The following THRAP3 variants were observed in gnomAD, a reference collection of about 807,000 sequenced individuals.
The protein encoded by THRAP3 is thyroid hormone receptor associated protein 3.
Under a neutral mutation model 101.0 loss-of-function variants are expected in THRAP3, and 16 were observed. The ratio of observed to expected loss-of-function variants is 0.16; its 90% CI spans 0.11 to 0.24. The LOEUF (loss-of-function observed/expected upper bound fraction) is 0.24. Ranked by LOEUF, THRAP3 falls within the 10% of genes least tolerant of loss-of-function variation. The pLI is 1.00. For synonymous variants in THRAP3, 407 were observed against 422.6 expected (o/e 0.96, Z 0.45); for missense variants, 989 against 1,202.7 (o/e 0.82, Z 2.63).
chr1:36,251,800 A>G (rs1254944774), intron 1 of THRAP3, among the ~76,000 whole-genome samples: 1 of 152,232 alleles, frequency 6.6e-6, no homozygotes, highest in East Asian at 1.9e-4. Context: ...ATATTAATTT[A>G]TTCGGTGTTC....
chr1:36,224,185 T>C (rs575522817), upstream of THRAP3, among the ~76,000 whole-genome samples: 2 of 152,220 alleles, frequency 1.3e-5, no homozygotes, highest in South Asian at 2.1e-4. Flanking sequence ...GCCCCTTCCG[T>C]CCACCGCCCT....
the THRAP3 span, among the ~76,000 whole-genome samples, chr1:36,208,336 G>A: frequency 6.6e-6 from 1 of 152,202 alleles, no homozygotes; most frequent in South Asian, 2.1e-4. Context: ...GAGAGGATAA[G>A]TCACTTGCCT....
chr1:36,209,962 G>C, the THRAP3 span, among the ~76,000 whole-genome samples: 2 of 152,230 alleles, frequency 1.3e-5, no homozygotes, highest in Non-Finnish European at 1.5e-5. Flanking sequence ...GGTGGAGGTA[G>C]AGAGGGAAGT....
rs143562411 is a variant in THRAP3, at chr1:36,289,444, A to G, written c.1425A>G (p.Val475=). 16 of 1,614,126 alleles carry G rather than the reference A, an allele frequency of 9.9e-6. No homozygotes were observed. Among genetic ancestry groups the G allele is most frequent in the East Asian group, 2.2e-5 (1 of 44,892 alleles). The change falls in exon 5 of 12, where the codon GTA becomes GTG. Residue 475 remains valine, a synonymous_variant. Transcript: ENST00000354618. ...AGTCAGGCAAATGGGAGGGCCTGGT[A>G]TATGCACCTCCAGGGAAGGAAAAGC... ...EEKSGKWEGL[V]YAPPGKEKQR... is the part of the protein sequence containing the mutation.
chr1:36,301,863 G>C (rs1381937096), intron 11 of THRAP3, among the ~76,000 whole-genome samples, 167 bp downstream of exon 11: 1 of 152,222 alleles, frequency 6.6e-6, no homozygotes, highest in East Asian at 1.9e-4. Flanking sequence ...GTGTCCTCTA[G>C]AGAGGCAGTC....
intron 2 of THRAP3, among the ~76,000 whole-genome samples, chr1:36,262,110 GAT>G (rs1491188942): frequency 6.6e-6 from 1 of 152,036 alleles, no homozygotes; most frequent in Non-Finnish European, 1.5e-5. Context: ...AAATTTGAAC[GAT>G]ATGTTTTATA....
rs763160480 is a variant in THRAP3 at position 36,304,248 on chromosome 1, G to A, written c.*231G>A. The A allele has an allele frequency of 2.2e-6, 1 of 445,108 alleles. No homozygotes were observed. Among genetic ancestry groups the A allele is most frequent in the Non-Finnish European group, 3.8e-6 (1 of 263,170 alleles). 27.6% of individuals were successfully genotyped at this position (445,108 alleles called of 1,614,324 possible). A position where few individuals can be genotyped will look rare whatever the true frequency, so the allele number is the denominator to read the frequency against. On this transcript the variant is annotated 3_prime_UTR_variant, in exon 12 of 12. Coordinates refer to ENST00000354618, the MANE Select transcript of THRAP3 (RefSeq NM_005119.4). ...GCCCAGCTTTTGAGCAGAATACAACGCATTGGGCTTTAGCTGTTTTTCTCA... is the reference window on the plus strand; with the variant it reads ...GCCCAGCTTTTGAGCAGAATACAACACATTGGGCTTTAGCTGTTTTTCTCA...
rs143880396 is a variant in THRAP3 at position 36,289,168 on chromosome 1, G to C, written c.1149G>C (p.Leu383Phe). The stretch of plus-strand genomic sequence containing the variant: ...AAGGGAGCTTCTCTGACACAGGCTT[G>C]GGTGATGGAAAAATGAAATCTGATT... ...KEKGSFSDTG[L>F]GDGKMKSDSF... The change falls in exon 5 of 12, where the codon TTG (leucine) becomes TTC (phenylalanine). Residue 383 changes from leucine (L) to phenylalanine (F), a missense_variant. Transcript: ENST00000354618. 910 of 1,614,020 alleles carry C rather than the reference G, an allele frequency of 5.6e-4. No individual in the cohort carries two copies. The highest frequency in any genetic ancestry group is 2.6e-3 in the South Asian group (235 of 91,066).
chr1:36,239,931 T>G (rs1044358588), intron 1 of THRAP3, among the ~76,000 whole-genome samples: 11 of 152,232 alleles, frequency 7.2e-5, no homozygotes, highest in African/African-American at 2.4e-4. Context: ...ATTTACATTT[T>G]AAGATAAACC....
intron 2 of THRAP3, among the ~76,000 whole-genome samples, chr1:36,265,474 T>G (rs1350045646): frequency 2.0e-5 from 3 of 150,898 alleles, no homozygotes; most frequent in African/African-American, 7.3e-5. Context: ...TTTTTTTTTT[T>G]TTTTTTTGCT....
chr1:36,257,087 G>A (rs6675901), intron 1 of THRAP3, among the ~76,000 whole-genome samples: 134,286 of 152,140 alleles, frequency 0.88, 61,690 homozygotes, highest in Non-Finnish European at 1. Flanking sequence ...GTGAGCCACC[G>A]CGCTTGGCCA....
Position 36,254,183 on chromosome 1 carries a change from T to G in THRAP3, c.-134-5199T>G, listed in dbSNP as rs76836746. Reference sequence around the variant, plus strand: ...AGACCACGTCTCAAGAAAAAAAGTCTGCAGAGAAACTGCTGATAAATAACC... The same window carrying G: ...AGACCACGTCTCAAGAAAAAAAGTCGGCAGAGAAACTGCTGATAAATAACC... On this transcript the variant is annotated intron_variant, in intron 1 of 11. Coordinates refer to ENST00000354618, the MANE Select transcript of THRAP3 (RefSeq NM_005119.4). Among the ~76,000 whole-genome samples the G allele has an allele frequency of 3.2e-4, 48 of 152,306 alleles. 2 individuals are homozygous for G. In the East Asian group the frequency reaches 9.3e-3, roughly 29 times the overall value.
At chr1:36,302,835 T>A (rs920155153) in intron 11 of THRAP3, among the ~76,000 whole-genome samples, 1 of 152,244 alleles carries the variant, frequency 6.6e-6, no homozygotes, top group Admixed American at 6.5e-5. Flanking sequence ...GTTAATCCTT[T>A]CCTTGAACTA....
chr1:36,278,216 C>T (rs571150885), intron 2 of THRAP3, among the ~76,000 whole-genome samples: 1 of 151,980 alleles, frequency 6.6e-6, no homozygotes, highest in Non-Finnish European at 1.5e-5. Context: ...CAGGTGCCTG[C>T]CACCACATTT....
intron 1 of THRAP3, among the ~76,000 whole-genome samples, chr1:36,228,503 G>A (rs1168209689): frequency 6.6e-6 from 1 of 152,184 alleles, no homozygotes. Context: ...AAAGGTGTGA[G>A]CCAGCGCATC....
At chr1:36,259,327 A>C (rs900191839) in intron 1 of THRAP3, 55 bp from the exon 2 acceptor site, 4 of 398,188 alleles carry the variant, frequency 1.0e-5, no homozygotes, top group Admixed American at 4.4e-5. Context: ...AGCATCAGTA[A>C]CAGAATCTGC....
upstream of THRAP3, among the ~76,000 whole-genome samples, chr1:36,220,972 A>AAAAAATATATATATATAT (rs1285765741): frequency 1.1e-5 from 1 of 94,146 alleles, no homozygotes; most frequent in African/African-American, 4.7e-5. Context: ...AAAAAAAAAA[A>AAAAAATATATATATATAT]ATATATATAT....
At chr1:36,222,686 G>T (rs968863749), upstream of THRAP3, among the ~76,000 whole-genome samples, 10 of 152,162 alleles carry the variant, frequency 6.6e-5, no homozygotes, top group African/African-American at 1.9e-4. Context: ...TGGGATTACC[G>T]GCGTGAGCCA....
At chr1:36,251,100 T>G (rs775978582) in intron 1 of THRAP3, among the ~76,000 whole-genome samples, 28 of 152,092 alleles carry the variant, frequency 1.8e-4, no homozygotes, top group Non-Finnish European at 4.0e-4. Context: ...AATGGGCAGT[T>G]GTATGTTATG....
Sources: gnomAD v4.1 joint callset for allele counts (sites outside exome capture counted in the v4.1 genomes callset) on GRCh38, gnomAD v4.1.1 for gene constraint, MANE v1.5 for transcripts, NCBI Gene and HGNC (gene_info 2026-07-23, HGNC 2026-07-21) for gene names.